CNTNAP5: variants seen among roughly 807,000 people sequenced by gnomAD.
CNTNAP5 encodes the protein contactin associated protein family member 5.
A neutral mutation model predicts 150.2 loss-of-function variants in CNTNAP5; 72 were observed. The ratio of observed to expected loss-of-function variants is 0.48; its 90% CI spans 0.40 to 0.58. The LOEUF (loss-of-function observed/expected upper bound fraction) is 0.58, where lower values mean the gene tolerates loss of function less well. Among genes scored for constraint, CNTNAP5 ranks in the 20% least tolerant of loss-of-function variants. The pLI is 0.00. For synonymous variants in CNTNAP5, 672 were observed against 619.8 expected (o/e 1.08, Z -1.25); for missense variants, 1,636 against 1,626.2 (o/e 1.01, Z -0.10).
intron 2 of CNTNAP5, among the ~76,000 whole-genome samples, chr2:124,233,702 TTCTC>T (rs756850720): frequency 6.6e-6 from 1 of 151,374 alleles, no homozygotes; most frequent in Non-Finnish European, 1.5e-5. Context: ...TTTCTCTCCT[TTCTC>T]TCTCTCTCTT....
intron 3 of CNTNAP5, among the ~76,000 whole-genome samples, chr2:124,312,078 T>C (rs1281485888): frequency 2.6e-5 from 4 of 152,058 alleles, no homozygotes; most frequent in Non-Finnish European, 4.4e-5. Flanking sequence ...TCCAGACAAC[T>C]CAAAGGCTCT....
At chr2:124,279,938 C>T (rs973947624) in intron 3 of CNTNAP5, among the ~76,000 whole-genome samples, 2 of 152,002 alleles carry the variant, frequency 1.3e-5, no homozygotes, top group Non-Finnish European at 2.9e-5. Context: ...TACATTTAAC[C>T]TCTGTTCCAT....
chr2:124,267,683 T>C (rs1447951312), intron 3 of CNTNAP5, among the ~76,000 whole-genome samples: 3 of 152,196 alleles, frequency 2.0e-5, no homozygotes, highest in Non-Finnish European at 4.4e-5. Flanking sequence ...GCATTGTTTA[T>C]ACAGCATAAG....
In CNTNAP5 at chr2:124,917,705, T is replaced by A. The variant is rs1172330777; in HGVS notation, c.*3417T>A. ...TGTTTTTCTTTTTTCATTCATGAAG[T>A]ATTTATGGAATGCCAATGAGTGCCG... On this transcript the variant is annotated 3_prime_UTR_variant, in exon 24 of 24. Transcript: ENST00000682447. Among the ~76,000 whole-genome samples, 2 of 152,034 alleles carry A rather than the reference T, an allele frequency of 1.3e-5. No individual in the cohort carries two copies. Among genetic ancestry groups the A allele is most frequent in the Non-Finnish European group, 2.9e-5 (2 of 67,980 alleles).
chr2:124,747,316 A>C lies in CNTNAP5; in HGVS notation c.2165A>C (p.Glu722Ala), dbSNP rs764251874. 7 of 1,613,824 alleles carry C rather than the reference A, an allele frequency of 4.3e-6. No homozygotes were observed. The highest frequency in any genetic ancestry group is 4.2e-6 in the Non-Finnish European group (5 of 1,179,780). ...TCCCCTCCTGGGGTCCAGCAGTGTG[A>C]GTGTGGCCTAGACGAGAGCTGCCTG... Reference protein sequence around the residue: ...GGSPPGVQQCECGLDESCLDI... With the variant: ...GGSPPGVQQCACGLDESCLDI... Residue 722 changes from glutamate to alanine, a missense_variant, in exon 14 of 24, where the codon GAG (glutamate) becomes GCG (alanine). Glu to Ala is a moderately radical substitution (Grantham distance 107, BLOSUM62 -1). Coordinates refer to ENST00000682447, the MANE Select transcript of CNTNAP5 (RefSeq NM_001367498.1).
intron 1 of CNTNAP5, among the ~76,000 whole-genome samples, chr2:124,077,726 T>G (rs1348252578): frequency 6.6e-6 from 1 of 152,214 alleles, no homozygotes; most frequent in African/African-American, 2.4e-5. Flanking sequence ...AAAATATGGA[T>G]AAATAAGATG....
intron 3 of CNTNAP5, among the ~76,000 whole-genome samples, chr2:124,362,372 C>T (rs899163971): frequency 3.9e-5 from 6 of 152,208 alleles, no homozygotes; most frequent in Admixed American, 3.9e-4. Flanking sequence ...ACAAGATAGT[C>T]CTGAAAGCGA....
intron 1 of CNTNAP5, among the ~76,000 whole-genome samples, chr2:124,147,998 G>A (rs976646402): frequency 5.9e-5 from 9 of 152,328 alleles, no homozygotes; most frequent in African/African-American, 2.2e-4. Context: ...TGTGCAGAAG[G>A]AATGTTTGGT....
chr2:124,575,476 G>A (rs1696262460), intron 11 of CNTNAP5, among the ~76,000 whole-genome samples: 1 of 152,238 alleles, frequency 6.6e-6, no homozygotes, highest in African/African-American at 2.4e-5. Flanking sequence ...CCCTGTATGT[G>A]TCCACTTTAT....
intron 8 of CNTNAP5, among the ~76,000 whole-genome samples, chr2:124,510,265 C>CTATATA: frequency 2.3e-5 from 2 of 86,840 alleles, no homozygotes; most frequent in East Asian, 3.8e-4. Context: ...ATCTATATAT[C>CTATATA]TATATATCTA....
intron 3 of CNTNAP5, among the ~76,000 whole-genome samples, chr2:124,352,162 A>G (rs1406032347): frequency 2.6e-5 from 4 of 151,850 alleles, no homozygotes; most frequent in Non-Finnish European, 5.9e-5. Flanking sequence ...ACCTTGCCTC[A>G]TTTCATCAAA....
chr2:124,670,593 TTGTTTGTA>T (rs1229484521), intron 13 of CNTNAP5, among the ~76,000 whole-genome samples: 2 of 146,016 alleles, frequency 1.4e-5, no homozygotes, highest in East Asian at 4.0e-4. Context: ...CTTGTTGTTG[TTGTTTGTA>T]CTTTTGATGT....
At chr2:124,469,166 C>A (rs1036419505) in intron 6 of CNTNAP5, among the ~76,000 whole-genome samples, 1 of 152,174 alleles carries the variant, frequency 6.6e-6, no homozygotes, top group African/African-American at 2.4e-5. Context: ...AATCTTCCAC[C>A]CAGAGTAGAG....
rs538229039 is a variant in CNTNAP5, at chr2:124,858,302, C to A, written c.3218-7004C>A. Among the ~76,000 whole-genome samples, 3 of 152,282 alleles carry A rather than the reference C, an allele frequency of 2.0e-5. No individual in the cohort carries two copies. The South Asian group carries it at 6.2e-4, about 32-fold the overall frequency. ...AGATGGCATGACTGTATATCTAAAA[C>A]ACCCCATCATCTCAGCCCAAAATCT... On this transcript the variant is annotated intron_variant, in intron 19 of 23. Coordinates refer to ENST00000682447, the MANE Select transcript of CNTNAP5 (RefSeq NM_001367498.1).
intron 12 of CNTNAP5, among the ~76,000 whole-genome samples, chr2:124,626,536 T>A (rs1677726593): frequency 6.6e-6 from 1 of 152,156 alleles, no homozygotes; most frequent in Non-Finnish European, 1.5e-5. Flanking sequence ...CCAAGGGTAC[T>A]ATGCTTTTCC....
At chr2:124,504,786 A>C (rs987222098) in intron 8 of CNTNAP5, among the ~76,000 whole-genome samples, 1 of 147,374 alleles carries the variant, frequency 6.8e-6, no homozygotes, top group Non-Finnish European at 1.5e-5. Flanking sequence ...AGCTCACTGC[A>C]ACCTCCGACT....
chr2:124,264,942 C>T (rs1687568215), intron 3 of CNTNAP5, among the ~76,000 whole-genome samples: 1 of 152,128 alleles, frequency 6.6e-6, no homozygotes, highest in South Asian at 2.1e-4. Context: ...TTTCCTTTTC[C>T]CAAGTTAGTG....
chr2:124,132,087 T>C (rs1683864744), intron 1 of CNTNAP5, among the ~76,000 whole-genome samples: 1 of 152,152 alleles, frequency 6.6e-6, no homozygotes, highest in Non-Finnish European at 1.5e-5. Context: ...GCAGGTCCTG[T>C]TCTGCTTTGG....
chr2:124,785,787 A>G lies in CNTNAP5; in HGVS notation c.2753-4115A>G, dbSNP rs183092950. On this transcript the variant is annotated intron_variant, in intron 17 of 23. Transcript: ENST00000682447. ...AATGACTAGTTTCCAAAGGGTATCA[A>G]ACACGTACAGCAGAATCACATTTTC... 1.1e-3 allele frequency among the ~76,000 whole-genome samples: 161 copies of G among 152,342 alleles called. 2 individuals are homozygous for G. The East Asian group carries it at 0.014, about 14-fold the overall frequency.
Sources: gnomAD v4.1 joint callset for allele counts (sites outside exome capture counted in the v4.1 genomes callset) on GRCh38, gnomAD v4.1.1 for gene constraint, MANE v1.5 for transcripts, NCBI Gene and HGNC (gene_info 2026-07-23, HGNC 2026-07-21) for gene names.